PTPRJ: variants seen among roughly 807,000 people sequenced by gnomAD.
The protein encoded by PTPRJ is protein tyrosine phosphatase receptor type J.
A neutral mutation model predicts 141.3 loss-of-function variants in PTPRJ; 129 were observed. The observed-to-expected ratio is 0.91, with a 90% confidence interval of 0.79 to 1.06. PTPRJ has a LOEUF of 1.06. PTPRJ is among the 50% of genes least tolerant of loss of function. The pLI is 0.00. For synonymous variants in PTPRJ, 610 were observed against 640.5 expected (o/e 0.95, Z 0.72); for missense variants, 1,601 against 1,679.7 (o/e 0.95, Z 0.82).
chr11:48,000,883 A>G (rs1204560547), intron 1 of PTPRJ, among the ~76,000 whole-genome samples: 1 of 151,708 alleles, frequency 6.6e-6, no homozygotes, highest in East Asian at 1.9e-4. Context: ...CCTCAAAAGC[A>G]TGCTTGCTTG....
At chr11:48,134,266 A>T (rs1438563065) in intron 8 of PTPRJ, among the ~76,000 whole-genome samples, 1 of 152,112 alleles carries the variant, frequency 6.6e-6, no homozygotes, top group African/African-American at 2.4e-5. Flanking sequence ...ATTTCTTTTT[A>T]CTCAGTCTAT....
At chr11:48,149,725 T>G (rs546770124) in intron 16 of PTPRJ, 285 of 538,526 alleles carry the variant, frequency 5.3e-4, no homozygotes, top group Non-Finnish European at 8.0e-4. Context: ...GATTTCTTGA[T>G]TAAAAAAACG....
chr11:48,087,038 A>G (rs553218965), intron 1 of PTPRJ, among the ~76,000 whole-genome samples: 1 of 152,226 alleles, frequency 6.6e-6, no homozygotes, highest in East Asian at 1.9e-4. Flanking sequence ...TATCATTATG[A>G]TAGTGTTATA....
intron 8 of PTPRJ, chr11:48,131,440 G>C: frequency 1.3e-6 from 1 of 765,092 alleles, no homozygotes; most frequent in Non-Finnish European, 2.4e-6. Flanking sequence ...ATGTGGTTTT[G>C]TAATCTGCCT....
intron 1 of PTPRJ, among the ~76,000 whole-genome samples, chr11:48,073,783 A>G (rs1183747873): frequency 1.3e-5 from 2 of 152,096 alleles, no homozygotes; most frequent in African/African-American, 4.8e-5. Context: ...TATGTGATTT[A>G]AAAGTAAACC....
At chr11:48,023,653 G>A (rs544761590) in intron 1 of PTPRJ, among the ~76,000 whole-genome samples, 6 of 151,856 alleles carry the variant, frequency 4.0e-5, no homozygotes, top group East Asian at 1.9e-4. Flanking sequence ...GTGGTGGTGC[G>A]CGCCTGTAGT....
chr11:48,089,665 T>C (rs1490413633), intron 1 of PTPRJ, among the ~76,000 whole-genome samples: 1 of 152,214 alleles, frequency 6.6e-6, no homozygotes, highest in Non-Finnish European at 1.5e-5. Flanking sequence ...ATAATGTCCG[T>C]ATATAAATTT....
chr11:48,159,865 T>C, intron 21 of PTPRJ, 65 bp from the exon 22 acceptor site: 1 of 1,590,064 alleles, frequency 6.3e-7, no homozygotes, highest in Non-Finnish European at 8.6e-7. Flanking sequence ...GTCTCCCTTG[T>C]GAGGTTTTAG....
At chr11:48,006,191 C>T (rs1854616048) in intron 1 of PTPRJ, among the ~76,000 whole-genome samples, 1 of 152,182 alleles carries the variant, frequency 6.6e-6, no homozygotes, top group Admixed American at 6.5e-5. Context: ...TGACCTTGGG[C>T]TGATCTTGTC....
chr11:48,112,761 C>T lies in PTPRJ; in HGVS notation c.130C>T (p.Pro44Ser), dbSNP rs762379254. 8 of 1,613,466 alleles carry T rather than the reference C, an allele frequency of 5.0e-6. No individual in the cohort carries two copies. The highest frequency in any genetic ancestry group is 3.3e-5 in the South Asian group (3 of 91,062). The change falls in exon 3 of 25, where the codon CCT becomes TCT. Residue 44 changes from proline to serine, a missense_variant. Pro to Ser is a moderately conservative substitution (Grantham distance 74). Coordinates refer to ENST00000418331, the MANE Select transcript of PTPRJ (RefSeq NM_002843.4). ...TCTTTGCATAGCCCCTAGTCCAATT[C>T]CTGACCCTTCAGTAGCAACTGTTGC... ...LCAGGTPSPIPDPSVATVATG... is the reference protein window; with the variant it reads ...LCAGGTPSPISDPSVATVATG...
chr11:48,007,850 C>G (rs572996286), intron 1 of PTPRJ, among the ~76,000 whole-genome samples: 4 of 152,338 alleles, frequency 2.6e-5, no homozygotes, highest in South Asian at 2.1e-4. Context: ...TGAGGGTCAT[C>G]TAATGCAAAC....
chr11:48,139,990 G>T (rs1350482461), intron 11 of PTPRJ, among the ~76,000 whole-genome samples: 3 of 152,160 alleles, frequency 2.0e-5, no homozygotes, highest in East Asian at 1.9e-4. Context: ...CATTCTAAAA[G>T]ATTCCTTTTC....
intron 1 of PTPRJ, among the ~76,000 whole-genome samples, chr11:48,094,912 C>T (rs1855966113): frequency 6.6e-6 from 1 of 152,092 alleles, no homozygotes; most frequent in Non-Finnish European, 1.5e-5. Context: ...GAGGGGCAGC[C>T]CTTTCTGCCA....
chr11:48,126,821 G>GCTAA (rs1565316228), intron 6 of PTPRJ, among the ~76,000 whole-genome samples: 2 of 100,650 alleles, frequency 2.0e-5, no homozygotes, highest in Non-Finnish European at 3.9e-5. Flanking sequence ...CACACACACA[G>GCTAA]ATAAACACAC....
At chr11:48,099,992 T>C (rs971381051) in intron 1 of PTPRJ, among the ~76,000 whole-genome samples, 1 of 152,090 alleles carries the variant, frequency 6.6e-6, no homozygotes, top group Non-Finnish European at 1.5e-5. Context: ...CCTTGGACTT[T>C]CTTGGCACGT....
At chr11:48,142,781 G>T in intron 11 of PTPRJ, 138 bp from the exon 12 acceptor site, 1 of 1,077,844 alleles carries the variant, frequency 9.3e-7, no homozygotes, top group Non-Finnish European at 1.3e-6. Context: ...TTTGCTTCTG[G>T]ATTTGCTGTT....
intron 1 of PTPRJ, among the ~76,000 whole-genome samples, chr11:48,066,542 A>C (rs1855086085): frequency 6.8e-6 from 1 of 146,256 alleles, no homozygotes; most frequent in African/African-American, 2.5e-5. Flanking sequence ...GTTTTATAGG[A>C]ATTATCCAGT....
At chr11:48,045,447 C>T (rs1400361424) in intron 1 of PTPRJ, among the ~76,000 whole-genome samples, 1 of 152,202 alleles carries the variant, frequency 6.6e-6, no homozygotes, top group Non-Finnish European at 1.5e-5. Flanking sequence ...CCACATGGAA[C>T]TGAGTGGGAG....
At chr11:48,057,152 T>C (rs995536806) in intron 1 of PTPRJ, among the ~76,000 whole-genome samples, 1 of 152,176 alleles carries the variant, frequency 6.6e-6, no homozygotes, top group African/African-American at 2.4e-5. Context: ...ATGGTGCTAA[T>C]GATACAGACC....
Sources: gnomAD v4.1 joint callset for allele counts (sites outside exome capture counted in the v4.1 genomes callset) on GRCh38, gnomAD v4.1.1 for gene constraint, MANE v1.5 for transcripts, NCBI Gene and HGNC (gene_info 2026-07-23, HGNC 2026-07-21) for gene names.